Variants in PLEKHG1 observed in about 807,000 individuals in gnomAD.
PLEKHG1 encodes the protein pleckstrin homology and RhoGEF domain containing G1, also known as pleckstrin homology domain-containing family G member 1.
PLEKHG1 carries 44 observed loss-of-function variants against 100.8 expected under a neutral mutation model. That is an observed-to-expected ratio of 0.44 (90% CI 0.34 to 0.56). The LOEUF (loss-of-function observed/expected upper bound fraction) is 0.56, where lower values mean the gene tolerates loss of function less well. Among genes scored for constraint, PLEKHG1 ranks in the 20% least tolerant of loss-of-function variants. The pLI is 0.01. For synonymous variants in PLEKHG1, 640 were observed against 662.5 expected (o/e 0.97, Z 0.52); for missense variants, 1,545 against 1,720.9 (o/e 0.90, Z 1.81).
intron 1 of PLEKHG1, among the ~76,000 whole-genome samples, chr6:150,634,667 AAAATTTAATTTTCAATTC>A (rs1174155939): frequency 6.6e-6 from 1 of 152,248 alleles, no homozygotes; most frequent in Non-Finnish European, 1.5e-5. Context: ...GACATATGGA[AAAATTTAATTTTCAATTC>A]CAGGCTTTAA....
At chr6:150,793,951 G>A (rs1312698263) in intron 4 of PLEKHG1, among the ~76,000 whole-genome samples, 2 of 152,096 alleles carry the variant, frequency 1.3e-5, no homozygotes, top group South Asian at 2.1e-4. Flanking sequence ...GCATGGTGAC[G>A]CATGCCTGTA....
At chr6:150,786,803 G>A (rs1312235484) in intron 4 of PLEKHG1, among the ~76,000 whole-genome samples, 1 of 152,118 alleles carries the variant, frequency 6.6e-6, no homozygotes, top group African/African-American at 2.4e-5. Context: ...GCCGAGGTGA[G>A]TGGATCATCT....
At chr6:150,805,361 C>T (rs576348889) in intron 7 of PLEKHG1, among the ~76,000 whole-genome samples, 5 of 152,290 alleles carry the variant, frequency 3.3e-5, no homozygotes, top group Admixed American at 3.3e-4. Context: ...TTTCCCTAAA[C>T]TATGTAAAGA....
At chr6:150,806,547 G>A (rs1787116766) in intron 7 of PLEKHG1, among the ~76,000 whole-genome samples, 2 of 151,956 alleles carry the variant, frequency 1.3e-5, no homozygotes, top group African/African-American at 2.4e-5. Flanking sequence ...TTAGCTGGGC[G>A]TGGTGGCACA....
intron 2 of PLEKHG1, among the ~76,000 whole-genome samples, chr6:150,748,215 G>A (rs1052855642): frequency 6.6e-6 from 1 of 152,160 alleles, no homozygotes; most frequent in Non-Finnish European, 1.5e-5. Context: ...AGTGTCCATT[G>A]TTTTCCTTCT....
At chr6:150,674,629 CTCCCT>C (rs1779681412) in intron 3 of PLEKHG1, among the ~76,000 whole-genome samples, 1 of 55,868 alleles carries the variant, frequency 1.8e-5, no homozygotes, top group Non-Finnish European at 3.9e-5. Context: ...TCTCTCTCTC[CTCCCT>C]CTCTCTCTCT....
At chr6:150,795,436 C>G (rs1431564921) in intron 4 of PLEKHG1, among the ~76,000 whole-genome samples, 1 of 151,558 alleles carries the variant, frequency 6.6e-6, no homozygotes, top group Non-Finnish European at 1.5e-5. Context: ...TTTGCAAAAG[C>G]TAGTAATTTA....
At chr6:150,702,500 G>A (rs893591826) in intron 3 of PLEKHG1, among the ~76,000 whole-genome samples, 4 of 150,976 alleles carry the variant, frequency 2.6e-5, no homozygotes, top group East Asian at 3.9e-4. Context: ...TATGGATCAC[G>A]TTATAAAGGG....
chr6:150,823,372 G>T (rs964480945), intron 13 of PLEKHG1, among the ~76,000 whole-genome samples: 2 of 152,218 alleles, frequency 1.3e-5, no homozygotes, highest in South Asian at 4.1e-4. Flanking sequence ...ATTTTTGTTC[G>T]GAAGCTTTTG....
chr6:150,749,987 G>A (rs1317773541), intron 2 of PLEKHG1, among the ~76,000 whole-genome samples: 2 of 150,768 alleles, frequency 1.3e-5, no homozygotes, highest in East Asian at 3.9e-4. Context: ...CAGGAGAATC[G>A]CTTGAAACCA....
chr6:150,664,679 C>T (rs1489589912), intron 3 of PLEKHG1, among the ~76,000 whole-genome samples: 2 of 152,050 alleles, frequency 1.3e-5, no homozygotes, highest in Admixed American at 1.3e-4. Flanking sequence ...CTTCTCTGGT[C>T]CAGGTCGCTG....
chr6:150,839,804 T>TA, intron 15 of PLEKHG1, 29 bp from the exon 17 acceptor site: 1 of 1,245,534 alleles, frequency 8.0e-7, no homozygotes, highest in Non-Finnish European at 1.2e-6. Flanking sequence ...ATCCTGTGTG[T>TA]ATTTACTGTT....
intron 15 of PLEKHG1, among the ~76,000 whole-genome samples, chr6:150,833,398 A>G (rs539235396): frequency 6.6e-6 from 1 of 152,346 alleles, no homozygotes; most frequent in Non-Finnish European, 1.5e-5. Context: ...ATTCAACACT[A>G]TCTCATTTAG....
intron 3 of PLEKHG1, among the ~76,000 whole-genome samples, chr6:150,665,950 C>T (rs1002682284): frequency 2.0e-5 from 3 of 152,100 alleles, no homozygotes; most frequent in African/African-American, 4.8e-5. Context: ...GCCATCTGCC[C>T]ATGATGGGGT....
intron 3 of PLEKHG1, among the ~76,000 whole-genome samples, chr6:150,660,684 A>C (rs1004430834): frequency 6.6e-6 from 1 of 152,222 alleles, no homozygotes; most frequent in African/African-American, 2.4e-5. Context: ...AACTTTATCT[A>C]TAATTCCAAC....
At chr6:150,621,948 G>T (rs1386997809) in intron 1 of PLEKHG1, among the ~76,000 whole-genome samples, 1 of 152,190 alleles carries the variant, frequency 6.6e-6, no homozygotes, top group Non-Finnish European at 1.5e-5. Context: ...CAGAACTGTT[G>T]TGTGAGTTGC....
chr6:150,773,415 TC>T (rs1398208337), intron 3 of PLEKHG1, among the ~76,000 whole-genome samples: 1 of 152,196 alleles, frequency 6.6e-6, no homozygotes, highest in Admixed American at 6.5e-5. Flanking sequence ...GTGCCTGTAA[TC>T]CCAGCTACTC....
chr6:150,775,452 T>C (rs1310671955), intron 3 of PLEKHG1, among the ~76,000 whole-genome samples: 1 of 152,224 alleles, frequency 6.6e-6, no homozygotes, highest in Non-Finnish European at 1.5e-5. Context: ...CTTTCCTTTT[T>C]CCTTCAACTC....
intron 3 of PLEKHG1, among the ~76,000 whole-genome samples, chr6:150,654,176 T>G (rs62434109): frequency 0.086 from 13,043 of 152,242 alleles, 644 homozygotes; most frequent in South Asian, 0.18. Flanking sequence ...AGATGCACAT[T>G]CATGTTCCAA....
Sources: allele counts gnomAD v4.1 joint callset (sites outside exome capture counted in the v4.1 genomes callset), GRCh38; gene constraint gnomAD v4.1.1; transcripts MANE v1.5; gene names NCBI Gene and HGNC (gene_info 2026-07-23, HGNC 2026-07-21).